Variants in RTN4 observed in about 807,000 individuals in gnomAD.
The protein encoded by RTN4 is reticulon 4.
RTN4 carries 32 observed loss-of-function variants against 90.4 expected under a neutral mutation model. The observed-to-expected ratio is 0.35, with a 90% CI of 0.27 to 0.48. The LOEUF is 0.48. Ranked by LOEUF, RTN4 falls within the 20% of genes least tolerant of loss-of-function variation. RTN4 has a pLI of 0.99. For synonymous variants in RTN4, 629 were observed against 552.5 expected, an observed-to-expected ratio of 1.14 and a Z score of -1.94; for missense variants, 1,706 against 1,430.2, an observed-to-expected ratio of 1.19 and a Z score of -3.11.
rs1226540863 is a variant in RTN4, at chr2:55,049,560, G to A, written c.556+185C>T. 5 of 950,198 alleles carry A rather than the reference G, an allele frequency of 5.3e-6. No homozygotes were observed. In the East Asian group the frequency reaches 8.1e-5, roughly 15 times the overall value. 58.9% of individuals were successfully genotyped at this position (950,198 alleles called of 1,614,324 possible). On this transcript the variant is annotated intron_variant, in intron 1 of 8. Coordinates refer to ENST00000337526, the MANE Select transcript of RTN4 (RefSeq NM_020532.5). ...CAAGACGGACAATAAGAACAAACCC[G>A]GGCTCCAAGGGCCGCCCCACCCTTC...
At chr2:55,067,365 G>A (rs554121597) in intron 2 of RTN4, among the ~76,000 whole-genome samples, 71 of 151,772 alleles carry the variant, frequency 4.7e-4, no homozygotes, top group African/African-American at 1.6e-3. Flanking sequence ...AAAGGGAATA[G>A]CACATGTTTG....
intron 1 of RTN4, among the ~76,000 whole-genome samples, chr2:55,047,994 C>T (rs1437667007): frequency 1.3e-5 from 2 of 152,190 alleles, no homozygotes; most frequent in African/African-American, 4.8e-5. Flanking sequence ...GCAAACCTCA[C>T]AGTATACTTA....
Position 54,973,856 on chromosome 2 carries a change from G to A in RTN4, c.3442C>T (p.Leu1148Phe). Residue 1148 changes from leucine to phenylalanine, a missense_variant, in exon 7 of 9, where the codon CTC (leucine) becomes TTC (phenylalanine). By Grantham distance (22) the Leu-to-Phe change is conservative. Transcript: ENST00000337526. The stretch of plus-strand genomic sequence containing the variant: ...TCATAAATAACAGGAACACTGAAGA[G>A]TGAAATGAGAGCTGAAAAGGGAAAT... ...LTLLILALIS[L>F]FSVPVIYERH... is the part of the protein sequence containing the mutation. 6.2e-7 allele frequency: 1 copy of A among 1,612,826 alleles called. No individual in the cohort carries two copies. Among genetic ancestry groups the A allele is most frequent in the East Asian group, 2.2e-5 (1 of 44,810 alleles).
At chr2:54,974,197 G>C (rs1378556736) in intron 6 of RTN4, 1 of 265,672 alleles carries the variant, frequency 3.8e-6, no homozygotes, top group Non-Finnish European at 7.2e-6. Flanking sequence ...ATCACTGTTT[G>C]TTAGTAGGAG....
At chr2:55,052,588 T>C (rs1379429107), upstream of RTN4, among the ~76,000 whole-genome samples, 2 of 152,190 alleles carry the variant, frequency 1.3e-5, no homozygotes, top group South Asian at 2.1e-4. Context: ...GAGAGATGTA[T>C]TGATGTAGAA....
chr2:55,048,644 G>A (rs1449474512), intron 1 of RTN4, among the ~76,000 whole-genome samples: 2 of 152,034 alleles, frequency 1.3e-5, no homozygotes, highest in Non-Finnish European at 2.9e-5. Context: ...AATGCGGTCT[G>A]TCCTTGACCT....
intron 1 of RTN4, among the ~76,000 whole-genome samples, chr2:55,034,380 T>C (rs1274050120): frequency 6.6e-6 from 1 of 152,036 alleles, no homozygotes; most frequent in Non-Finnish European, 1.5e-5. Flanking sequence ...CGTGTGCCTA[T>C]AGTCCCACCT....
At chr2:54,981,325 C>A (rs1197613488) in intron 5 of RTN4, among the ~76,000 whole-genome samples, 3 of 148,094 alleles carry the variant, frequency 2.0e-5, no homozygotes, top group African/African-American at 7.5e-5. Flanking sequence ...TAAACCTATT[C>A]TGACCAGTTC....
At chr2:55,112,296 AC>A (rs1221894871) in intron 1 of RTN4, among the ~76,000 whole-genome samples, 1 of 152,212 alleles carries the variant, frequency 6.6e-6, no homozygotes, top group Non-Finnish European at 1.5e-5. Context: ...CTACCCCCGG[AC>A]AGCAACCCCG....
At chr2:55,016,332 C>T (rs1463940425) in intron 3 of RTN4, among the ~76,000 whole-genome samples, 3 of 152,150 alleles carry the variant, frequency 2.0e-5, no homozygotes, top group Non-Finnish European at 4.4e-5. Flanking sequence ...CCTTTAATCC[C>T]AGCACTTTGG....
chr2:55,092,620 C>G (rs943581387), intron 1 of RTN4, among the ~76,000 whole-genome samples: 1 of 152,206 alleles, frequency 6.6e-6, no homozygotes, highest in Non-Finnish European at 1.5e-5. Context: ...ATGAGTATAC[C>G]TGAGTTTCAC....
chr2:55,052,642 A>C (rs368203714), upstream of RTN4, among the ~76,000 whole-genome samples: 3 of 152,316 alleles, frequency 2.0e-5, no homozygotes, highest in East Asian at 5.8e-4. Context: ...AAACAAAACA[A>C]ATTTCTACAA....
intron 5 of RTN4, among the ~76,000 whole-genome samples, chr2:54,980,134 G>C (rs1677999526): frequency 6.6e-6 from 1 of 152,108 alleles, no homozygotes; most frequent in South Asian, 2.1e-4. Context: ...ATTTATGCTA[G>C]CTTCCTCATG....
rs767420140 is a variant in RTN4 at position 55,050,187 on chromosome 2, CTCT to C, written c.111_113del (p.Glu43del). ...CGTCCTCGTCCTCCTCTTCCTCCTC[CTCT>C]TCTTCCTCCTCGTCCTCGGGCTCCC... On this transcript the variant is annotated inframe_deletion, in exon 1 of 9. Coordinates refer to ENST00000337526, the MANE Select transcript of RTN4 (RefSeq NM_020532.5). This position sits in a 1 kb window ranked among gnomAD's most constrained non-coding sequence, Gnocchi z 4.6. 1.3e-6 allele frequency: 2 copies of C among 1,570,514 alleles called. No homozygotes were observed. The highest frequency in any genetic ancestry group is 2.5e-5 in the East Asian group (1 of 40,262).
rs1389042753 is a variant in RTN4 at position 55,049,669 on chromosome 2, C to T, written c.556+76G>A. ...CTCGGGGCGGAGAGGAGGGACCAGC[C>T]CAAAGCATCTGGGGCTGCACACAAA... is the stretch of plus-strand genomic sequence containing the variant. On this transcript the variant is annotated intron_variant, in intron 1 of 8. Transcript: ENST00000337526. 6 of 1,522,812 alleles carry T rather than the reference C, an allele frequency of 3.9e-6. No individual in the cohort carries two copies. In the East Asian group the frequency reaches 1.0e-4, roughly 25 times the overall value. 94.3% of individuals were successfully genotyped at this position (1,522,812 alleles called of 1,614,324 possible). A position where few individuals can be genotyped will look rare whatever the true frequency, so the allele number is the denominator to read the frequency against.
chr2:54,987,948 C>A (rs929712298), intron 3 of RTN4, among the ~76,000 whole-genome samples: 28 of 152,186 alleles, frequency 1.8e-4, no homozygotes, highest in Admixed American at 1.8e-3. Flanking sequence ...ATAACCAAAT[C>A]ATTCTAGCCA....
chr2:55,028,055 G>A lies in RTN4; in HGVS notation c.613+109C>T, dbSNP rs779705375. 55 of 894,454 alleles carry A rather than the reference G, an allele frequency of 6.1e-5. 1 individual carries two copies. Among genetic ancestry groups the A allele is most frequent in the South Asian group, 4.6e-4 (19 of 41,744 alleles). 55.4% of individuals were successfully genotyped at this position (894,454 alleles called of 1,614,324 possible). On this transcript the variant is annotated intron_variant, in intron 2 of 8. Transcript: ENST00000337526. Reference sequence around the variant, plus strand: ...CTTTTCCAGTAGACAAAACATTCTCGGAACCATGCTAATTTTTAGTAAACC... The same window carrying A: ...CTTTTCCAGTAGACAAAACATTCTCAGAACCATGCTAATTTTTAGTAAACC...
intron 3 of RTN4, chr2:55,010,462 G>C (rs1039614834): frequency 2.5e-5 from 17 of 690,914 alleles, no homozygotes; most frequent in African/African-American, 2.4e-4. Context: ...GGAAATAAGG[G>C]TTGTTCTTAG....
At chr2:55,120,183 A>G in the RTN4 span, among the ~76,000 whole-genome samples, 1 of 152,222 alleles carries the variant, frequency 6.6e-6, no homozygotes, top group Non-Finnish European at 1.5e-5. Flanking sequence ...ATCTCTGAAG[A>G]AAGCAACCCT....
Sources: allele counts gnomAD v4.1 joint callset (sites outside exome capture counted in the v4.1 genomes callset), GRCh38; gene constraint gnomAD v4.1.1; non-coding constraint Gnocchi (gnomAD v3.1); transcripts MANE v1.5; gene names NCBI Gene and HGNC (gene_info 2026-07-23, HGNC 2026-07-21).